The following ARL10 variants were observed in gnomAD, a reference collection of about 807,000 sequenced individuals.
ARL10 encodes the protein ARF like GTPase 10, also known as ADP-ribosylation factor-like protein 10.
ARL10 carries 23 observed loss-of-function variants against 26.1 expected under a neutral mutation model. The ratio of observed to expected loss-of-function variants is 0.88; its 90% CI spans 0.63 to 1.25. ARL10 has a LOEUF of 1.25. Among genes scored for constraint, ARL10 ranks in the 50% most tolerant of loss-of-function variants. The pLI, the probability that ARL10 is intolerant of heterozygous loss-of-function variation, is 0.00. For missense variants in ARL10, 300 were observed against 323.6 expected, an observed-to-expected ratio of 0.93 and a Z score of 0.56; for synonymous variants, 138 against 149.1, an observed-to-expected ratio of 0.93 and a Z score of 0.54.
At chr5:176,394,703 T>TACTCA (rs1405728774) in intron 1 of ARL10, among the ~76,000 whole-genome samples, 1 of 152,040 alleles carries the variant, frequency 6.6e-6, no homozygotes, top group African/African-American at 2.4e-5. Context: ...TAGTCCCAGC[T>TACTCA]ACTCAGGAGG....
At chr5:176,387,025 G>A in intron 1 of ARL10, 2 of 837,720 alleles carry the variant, frequency 2.4e-6, no homozygotes, top group Non-Finnish European at 4.0e-6. Flanking sequence ...CGGTTAGGTA[G>A]AAGTAGGTAA....
At chr5:176,386,234 T>G (rs1040518863), downstream of ARL10, 6 of 158,264 alleles carry the variant, frequency 3.8e-5, no homozygotes, top group African/African-American at 1.4e-4. Context: ...GCCTATGGCT[T>G]GGTATATACA....
downstream of ARL10, chr5:176,384,499 G>T: frequency 1.1e-6 from 1 of 922,480 alleles, no homozygotes; most frequent in Non-Finnish European, 1.6e-6. Flanking sequence ...CTCAAAGGCT[G>T]TGGTGCACCG....
chr5:176,393,306 A>G (rs1052954008), downstream of ARL10, among the ~76,000 whole-genome samples: 1 of 152,134 alleles, frequency 6.6e-6, no homozygotes, highest in African/African-American at 2.4e-5. The surrounding 1 kb of genome is among the most constrained non-coding windows in gnomAD (Gnocchi z 4.4). Context: ...GGTTCCTGAC[A>G]CCTAAAGACC....
Position 176,374,011 on chromosome 5 carries a change from G to C in ARL10, c.*2116G>C, listed in dbSNP as rs1768621803. 1 of 152,210 alleles carries C rather than the reference G, an allele frequency of 6.6e-6. No individual in the cohort carries two copies. The highest frequency in any genetic ancestry group is 2.4e-5 in the African/African-American group (1 of 41,456). 9.4% of individuals were successfully genotyped at this position (152,210 alleles called of 1,614,324 possible). A position where few individuals can be genotyped will look rare whatever the true frequency, so the allele number is the denominator to read the frequency against. On this transcript the variant is annotated 3_prime_UTR_variant, in exon 4 of 4. Coordinates refer to ENST00000310389, the MANE Select transcript of ARL10 (RefSeq NM_173664.6). ...TGTGTGTAGGCTACATTTATAGCCA[G>C]AGAAACGAAAATAACTTAGGTTGCC...
In ARL10 at chr5:176,366,615, C is replaced by T. The variant is rs780725864; in HGVS notation, c.385+34C>T. ...ACACCCTACCCCATCTCCCCGTCTC[C>T]TCTACTGGACCAGTCCTGGATTCTC... On this transcript the variant is annotated intron_variant, in intron 2 of 3. Transcript: ENST00000310389. The T allele has an allele frequency of 1.9e-6, 3 of 1,609,064 alleles. No homozygotes were observed. The South Asian group carries it at 3.3e-5, about 18-fold the overall frequency.
downstream of ARL10, among the ~76,000 whole-genome samples, chr5:176,390,147 A>G (rs541183263): frequency 1.4e-5 from 2 of 141,888 alleles, no homozygotes; most frequent in East Asian, 2.1e-4. Flanking sequence ...GCGCCATTGC[A>G]CTTCAGCCTG....
Position 176,371,991 on chromosome 5 carries a change from C to A in ARL10, c.*96C>A. 2.0e-6 allele frequency: 3 copies of A among 1,494,922 alleles called. No homozygotes were observed. The highest frequency in any genetic ancestry group is 1.4e-5 in the South Asian group (1 of 73,930). 92.6% of individuals were successfully genotyped at this position (1,494,922 alleles called of 1,614,324 possible). On this transcript the variant is annotated 3_prime_UTR_variant, in exon 4 of 4. Coordinates refer to ENST00000310389, the MANE Select transcript of ARL10 (RefSeq NM_173664.6). ...TGGGCCTGGGGCAAGAGCCACATGG[C>A]AGCATTTCCCTTTTCCCCTCCTTTG...
chr5:176,389,193 A>T, downstream of ARL10: 3 of 1,126,108 alleles, frequency 2.7e-6, no homozygotes, highest in African/African-American at 1.6e-5. Context: ...AACTAGGAAG[A>T]CCTCGACTCG....
chr5:176,401,772 T>C (rs1756830410), exon 2 of ARL10: 1 of 456,116 alleles, frequency 2.2e-6, no homozygotes, highest in African/African-American at 2.0e-5. Context: ...CACTGAACAA[T>C]TTCCCGAGGG....
At chr5:176,366,038 G>T (rs1768283732) in intron 1 of ARL10, among the ~76,000 whole-genome samples, 1 of 152,220 alleles carries the variant, frequency 6.6e-6, no homozygotes, top group South Asian at 2.1e-4. Context: ...CGCGGCTCGG[G>T]AGCATCCCGG....
At chr5:176,396,221 C>T (rs1756514981) in intron 1 of ARL10, among the ~76,000 whole-genome samples, 1 of 152,124 alleles carries the variant, frequency 6.6e-6, no homozygotes, top group South Asian at 2.1e-4. Flanking sequence ...TTTGCCCCTC[C>T]CACATGGGAA....
chr5:176,401,034 C>T (rs991146311), intron 1 of ARL10, among the ~76,000 whole-genome samples: 1 of 152,342 alleles, frequency 6.6e-6, no homozygotes, highest in Admixed American at 6.5e-5. Context: ...AGCTGGGCGC[C>T]ACCCTTACTC....
chr5:176,387,927 T>C (rs1184765235), intron 1 of ARL10, among the ~76,000 whole-genome samples: 1 of 151,928 alleles, frequency 6.6e-6, no homozygotes. Flanking sequence ...TCTTAGGGAG[T>C]ACTAATTAGG....
chr5:176,384,312 G>C (rs1314670444), downstream of ARL10: 1 of 1,614,240 alleles, frequency 6.2e-7, no homozygotes, highest in Non-Finnish European at 8.5e-7. Flanking sequence ...TATAGACGTT[G>C]ATCTTACTCC....
At chr5:176,401,618 A>T in intron 1 of ARL10, 24 of 408,794 alleles carry the variant, frequency 5.9e-5, no homozygotes, top group South Asian at 4.2e-4. Flanking sequence ...TCGAGACCTC[A>T]GCCTTTAGGT....
At chr5:176,389,824 C>T (rs1307866416), downstream of ARL10, 1 of 216,438 alleles carries the variant, frequency 4.6e-6, no homozygotes, top group Non-Finnish European at 9.3e-6. Context: ...TGGAGTGGTG[C>T]TTAGAAATCG....
downstream of ARL10, among the ~76,000 whole-genome samples, chr5:176,406,001 G>A (rs1277848518): frequency 2.6e-5 from 4 of 152,100 alleles, no homozygotes; most frequent in African/African-American, 4.8e-5. Flanking sequence ...CCATGACCAG[G>A]AGAGCACAGT....
intron 1 of ARL10, among the ~76,000 whole-genome samples, chr5:176,396,081 G>A (rs1337610724): frequency 6.6e-6 from 1 of 152,138 alleles, no homozygotes; most frequent in African/African-American, 2.4e-5. Context: ...GTCGCAGTGA[G>A]CCGAGATCGC....
Sources: gnomAD v4.1 joint callset for allele counts (sites outside exome capture counted in the v4.1 genomes callset) on GRCh38, gnomAD v4.1.1 for gene constraint, Gnocchi (gnomAD v3.1) non-coding constraint, MANE v1.5 for transcripts, NCBI Gene and HGNC (gene_info 2026-07-23, HGNC 2026-07-21) for gene names.